TMEM63A: variants seen among roughly 807,000 people sequenced by gnomAD.
TMEM63A encodes transmembrane protein 63A, also known as mechanosensitive cation channel TMEM63A.
In TMEM63A, 76 loss-of-function variants were observed where a neutral mutation model predicts 100.6. The observed-to-expected ratio is 0.76, with a 90% confidence interval of 0.63 to 0.91. The LOEUF is 0.91. TMEM63A is among the 40% of genes least tolerant of loss of function. TMEM63A has a pLI of 0.00. For synonymous variants in TMEM63A, 401 were observed against 401.1 expected, an observed-to-expected ratio of 1.00 and a Z score of 0.00; for missense variants, 876 against 1,008.8, an observed-to-expected ratio of 0.87 and a Z score of 1.78.
At position 225,862,734 on chromosome 1, in the gene TMEM63A, A is replaced by C. The variant is rs373010383; in HGVS notation, c.827+37T>G. ...CTGGGAGATGCGAGGCCAGCAAGGA[A>C]GGAGGGGGCATCTTGCAAGGCCCGC... On this transcript the variant is annotated intron_variant, in intron 11 of 24. Coordinates refer to ENST00000366835, the MANE Select transcript of TMEM63A (RefSeq NM_014698.3). The surrounding 1 kb of genome is among the most constrained non-coding windows in gnomAD (Gnocchi z 5.1). The C allele has an allele frequency of 9.3e-6, 15 of 1,613,420 alleles. No homozygotes were observed. The highest frequency in any genetic ancestry group is 1.3e-5 in the African/African-American group (1 of 74,860).
intron 6 of TMEM63A, 59 bp from the exon 7 acceptor site, chr1:225,868,089 G>C: frequency 6.3e-7 from 1 of 1,598,226 alleles, no homozygotes; most frequent in Non-Finnish European, 8.6e-7. Flanking sequence ...GGCTCTGCAT[G>C]AAGTGTCTCA....
At position 225,862,719 on chromosome 1, in the gene TMEM63A, C is replaced by T. The variant is rs1423875838; in HGVS notation, c.827+52G>A. On this transcript the variant is annotated intron_variant, in intron 11 of 24. Transcript: ENST00000366835. The surrounding 1 kb of genome is among the most constrained non-coding windows in gnomAD (Gnocchi z 5.1). ...CGCCTCCCTTCCTAGCTGGGAGATG[C>T]GAGGCCAGCAAGGAAGGAGGGGGCA... The T allele has an allele frequency of 5.6e-6, 9 of 1,611,594 alleles. 1 individual carries two copies. The highest frequency in any genetic ancestry group is 1.7e-4 in the Middle Eastern group (1 of 5,896).
At position 225,867,017 on chromosome 1, in the gene TMEM63A, C is replaced by T; in HGVS notation, c.566+95G>A. ...AAGGGGCCTTCAGATACCAGCCGGCCCCCTTTGGAGTACCTCTGGCCTGCC... is the reference window on the plus strand; with the variant it reads ...AAGGGGCCTTCAGATACCAGCCGGCTCCCTTTGGAGTACCTCTGGCCTGCC... On this transcript the variant is annotated intron_variant, in intron 8 of 24. Transcript: ENST00000366835. This position sits in a 1 kb window ranked among gnomAD's most constrained non-coding sequence, Gnocchi z 4.6. The T allele has an allele frequency of 7.6e-7, 1 of 1,319,524 alleles. No individual in the cohort carries two copies. The highest frequency in any genetic ancestry group is 1.7e-5 in the Admixed American group (1 of 59,424). 81.7% of individuals were successfully genotyped at this position (1,319,524 alleles called of 1,614,324 possible). A position where few individuals can be genotyped will look rare whatever the true frequency, so the allele number is the denominator to read the frequency against.
At chr1:225,848,192 C>CT in intron 23 of TMEM63A, 1 of 407,000 alleles carries the variant, frequency 2.5e-6, no homozygotes, top group Non-Finnish European at 4.4e-6. Flanking sequence ...TGTGCCTTCA[C>CT]TAAAGCCCCA....
rs561065251 is a variant in TMEM63A, at chr1:225,876,896, G to A, written c.186+499C>T. Among the ~76,000 whole-genome samples the A allele has an allele frequency of 1.8e-4, 28 of 152,182 alleles. No homozygotes were observed. The East Asian group carries it at 4.8e-3, about 26-fold the overall frequency. ...ACTCCTGACCTCAGGCAATCTACTC[G>A]CCTCAGCCTCCCAAAGTGCTGAGAT... On this transcript the variant is annotated intron_variant, in intron 3 of 24. Coordinates refer to ENST00000366835, the MANE Select transcript of TMEM63A (RefSeq NM_014698.3).
chr1:225,881,374 G>C (rs149872866), intron 1 of TMEM63A, among the ~76,000 whole-genome samples: 536 of 152,312 alleles, frequency 3.5e-3, no homozygotes, highest in Admixed American at 7.0e-3. Context: ...CTTAGCCCAG[G>C]ACCCGGCCCT....
In TMEM63A at chr1:225,856,989, G is replaced by C; in HGVS notation, c.1406C>G (p.Thr469Ser). 1 of 1,588,646 alleles carries C rather than the reference G, an allele frequency of 6.3e-7. No homozygotes were observed. The highest frequency in any genetic ancestry group is 1.2e-5 in the South Asian group (1 of 86,422). ...GGCCGAGAAGGACCAGAGCAGGAGG[G>C]TGGGGAAGAACTGGCTGATGATCGG... ...NNPIISQFFPTLLLWSFSALL... is the reference protein window; with the variant it reads ...NNPIISQFFPSLLLWSFSALL... Residue 469 changes from threonine (T) to serine (S), a missense_variant, in exon 16 of 25, where the codon ACC (threonine) becomes AGC (serine). By Grantham distance (58) the Thr-to-Ser change is moderately conservative (BLOSUM62 1). Transcript: ENST00000366835.
downstream of TMEM63A, chr1:225,844,528 C>T (rs1051741): frequency 0.11 from 170,118 of 1,614,038 alleles, 10,119 homozygotes; most frequent in South Asian, 0.22. Context: ...TGCTGACCAA[C>T]GTCATGCTCT....
chr1:225,856,800 G>T (rs773921331), intron 16 of TMEM63A, 62 bp from the exon 17 acceptor site: 42 of 1,587,234 alleles, frequency 2.6e-5, no homozygotes, highest in Non-Finnish European at 3.5e-5. Context: ...CCCCAGTGAG[G>T]CCCCTGCCAT....
chr1:225,881,489 C>A (rs1316514721), intron 1 of TMEM63A, among the ~76,000 whole-genome samples: 1 of 152,196 alleles, frequency 6.6e-6, no homozygotes, highest in Non-Finnish European at 1.5e-5. Context: ...TAGAGCCCAA[C>A]GAACAGCTAG....
chr1:225,866,760 C>T (rs1670236380), intron 8 of TMEM63A, 78 bp from the exon 9 acceptor site: 2 of 1,324,116 alleles, frequency 1.5e-6, no homozygotes, highest in African/African-American at 1.4e-5. Flanking sequence ...GCCTGGTTAC[C>T]CTCAGTGGGC....
chr1:225,877,065 G>C (rs539478424), intron 3 of TMEM63A, among the ~76,000 whole-genome samples: 1 of 152,290 alleles, frequency 6.6e-6, no homozygotes, highest in Non-Finnish European at 1.5e-5. Flanking sequence ...TCAACCCCTT[G>C]AGATGACCCT....
chr1:225,867,346 T>C lies in TMEM63A; in HGVS notation c.515-183A>G, dbSNP rs1670263986. On this transcript the variant is annotated intron_variant, in intron 7 of 24. Transcript: ENST00000366835. The surrounding 1 kb of genome is among the most constrained non-coding windows in gnomAD (Gnocchi z 4.6). ...AGGCCTCTGCTTGAAACCAAAATGC[T>C]CCCTGATAACTTCTCAACCTTCCAT... Among the ~76,000 whole-genome samples the C allele has an allele frequency of 6.6e-6, 1 of 152,046 alleles. No individual in the cohort carries two copies. The highest frequency in any genetic ancestry group is 6.6e-5 in the Admixed American group (1 of 15,256).
intron 4 of TMEM63A, among the ~76,000 whole-genome samples, chr1:225,872,534 G>T (rs1399007697): frequency 6.6e-6 from 1 of 152,118 alleles, no homozygotes; most frequent in African/African-American, 2.4e-5. Context: ...TCAGAGATGA[G>T]AAAATGTCAA....
chr1:225,852,879 G>C, intron 19 of TMEM63A, 110 bp from the exon 20 acceptor site: 1 of 916,964 alleles, frequency 1.1e-6, no homozygotes. Flanking sequence ...TTTGGAAATA[G>C]GAGATGCGTG....
downstream of TMEM63A, chr1:225,845,013 T>G: frequency 1.3e-5 from 13 of 981,658 alleles, no homozygotes; most frequent in Non-Finnish European, 1.7e-5. Context: ...AGACCCTGGA[T>G]TTGTCCTTTT....
intron 5 of TMEM63A, 149 bp from the exon 6 acceptor site, chr1:225,871,262 G>T: frequency 1.3e-6 from 1 of 757,480 alleles, no homozygotes. Flanking sequence ...CATGAGCCCA[G>T]TACTTCACAA....
At chr1:225,859,060 G>A in intron 15 of TMEM63A, 136 bp downstream of exon 15, 1 of 1,278,000 alleles carries the variant, frequency 7.8e-7, no homozygotes, top group Non-Finnish European at 1.1e-6. Context: ...TTAAAAGCAA[G>A]GATGTGAGCT....
Position 225,865,752 on chromosome 1 carries a change from T to A in TMEM63A, c.746+145A>T. 1.3e-6 allele frequency: 1 copy of A among 760,926 alleles called. No homozygotes were observed. Among genetic ancestry groups the A allele is most frequent in the Non-Finnish European group, 2.2e-6 (1 of 462,030 alleles). 47.1% of individuals were successfully genotyped at this position (760,926 alleles called of 1,614,324 possible). On this transcript the variant is annotated intron_variant, in intron 10 of 24. Coordinates refer to ENST00000366835, the MANE Select transcript of TMEM63A (RefSeq NM_014698.3). This position sits in a 1 kb window ranked among gnomAD's most constrained non-coding sequence, Gnocchi z 4.6. ...ACACAGGAGCCACTCCATACACGTG[T>A]GGCAGGGCCAGGTCCTTCTCAGATC...
Sources: gnomAD v4.1 joint callset for allele counts (sites outside exome capture counted in the v4.1 genomes callset) on GRCh38, gnomAD v4.1.1 for gene constraint, Gnocchi (gnomAD v3.1) non-coding constraint, MANE v1.5 for transcripts, NCBI Gene and HGNC (gene_info 2026-07-23, HGNC 2026-07-21) for gene names.